Variants in EPM2A observed in about 807,000 individuals in gnomAD.
EPM2A encodes the protein EPM2A glucan phosphatase, laforin.
In EPM2A, 21 loss-of-function variants were observed where a neutral mutation model predicts 26.5. The ratio of observed to expected loss-of-function variants is 0.79; its 90% CI spans 0.56 to 1.14. The LOEUF is 1.14. Among genes scored for constraint, EPM2A ranks in the 50% most tolerant of loss-of-function variants. The pLI, the probability that EPM2A is intolerant of heterozygous loss-of-function variation, is 0.00. For synonymous variants in EPM2A, 217 were observed against 177.6 expected (o/e 1.22, Z -1.76); for missense variants, 458 against 440.8 (o/e 1.04, Z -0.35).
At chr6:145,705,689 T>C (rs1782183842) in intron 1 of EPM2A, 2 of 405,788 alleles carry the variant, frequency 4.9e-6, no homozygotes, top group Non-Finnish European at 9.9e-6. Context: ...CTATTTGAAA[T>C]AGCAACAATT....
At chr6:145,453,394 T>A (rs765809481) in intron 4 of EPM2A, among the ~76,000 whole-genome samples, 1 of 152,178 alleles carries the variant, frequency 6.6e-6, no homozygotes. Flanking sequence ...ATTAAATTTT[T>A]AAAAAATTCT....
At chr6:145,474,454 T>C (rs1192684142) in intron 4 of EPM2A, among the ~76,000 whole-genome samples, 5 of 151,908 alleles carry the variant, frequency 3.3e-5, no homozygotes, top group Admixed American at 6.6e-5. Context: ...AGAGAGAGAC[T>C]CCATCTCAAA....
chr6:145,622,941 G>A (rs934778029), downstream of EPM2A, among the ~76,000 whole-genome samples: 2 of 152,198 alleles, frequency 1.3e-5, no homozygotes, highest in Non-Finnish European at 2.9e-5. Context: ...ATCTTTACTT[G>A]CCTCAGAATA....
At chr6:145,490,553 G>T (rs1582795094) in intron 4 of EPM2A, 1 of 707,444 alleles carries the variant, frequency 1.4e-6, no homozygotes, top group East Asian at 3.0e-5. Context: ...CCAGTTCTTT[G>T]CTTCTTAGTG....
At chr6:145,458,875 T>C (rs7757254) in intron 4 of EPM2A, among the ~76,000 whole-genome samples, 27,624 of 151,808 alleles carry the variant, frequency 0.18, 6,570 homozygotes, top group African/African-American at 0.55. Context: ...TATACATTTT[T>C]TTGGAGAGAA....
intron 4 of EPM2A, among the ~76,000 whole-genome samples, chr6:145,433,351 A>G (rs1778946111): frequency 6.6e-6 from 1 of 152,170 alleles, no homozygotes; most frequent in Non-Finnish European, 1.5e-5. Flanking sequence ...GTCTATTTAT[A>G]TATAATGTAA....
chr6:145,672,108 A>G lies in EPM2A; in HGVS notation c.476+14014T>C, dbSNP rs761220123. ...CTGTAGCCTGAATATAAAAATGCAC[A>G]TTGATTTTTAAAATCTCATTCTAGC... is the stretch of plus-strand genomic sequence containing the variant. On this transcript the variant is annotated intron_variant, in intron 2 of 3. Transcript: ENST00000367519. Among the ~76,000 whole-genome samples the G allele has an allele frequency of 1.2e-4, 18 of 152,222 alleles. 1 individual carries two copies. Among genetic ancestry groups the G allele is most frequent in the Admixed American group, 9.8e-4 (15 of 15,284 alleles).
rs1775849817 is a variant in EPM2A at position 145,626,908 on chromosome 6, T to C, written c.*508A>G. On this transcript the variant is annotated 3_prime_UTR_variant, in exon 4 of 4. Coordinates refer to ENST00000367519, the MANE Select transcript of EPM2A (RefSeq NM_005670.4). ...GATAAAAAACAAGTCCTGAAAGCCATCACTTTTTGACCATAGTGAGCTCTT... is the reference window on the plus strand; with the variant it reads ...GATAAAAAACAAGTCCTGAAAGCCACCACTTTTTGACCATAGTGAGCTCTT... 3.0e-6 allele frequency: 3 copies of C among 997,914 alleles called. No homozygotes were observed. The highest frequency in any genetic ancestry group is 3.5e-5 in the African/African-American group (2 of 57,432). 61.8% of individuals were successfully genotyped at this position (997,914 alleles called of 1,614,324 possible). A position where few individuals can be genotyped will look rare whatever the true frequency, so the allele number is the denominator to read the frequency against.
At chr6:145,465,453 G>A in intron 4 of EPM2A, among the ~76,000 whole-genome samples, 1 of 151,972 alleles carries the variant, frequency 6.6e-6, no homozygotes, top group South Asian at 2.1e-4. Flanking sequence ...ATTGTCTGAA[G>A]CCTTCTTCTC....
chr6:145,627,309 C>T lies in EPM2A; in HGVS notation c.*107G>A. On this transcript the variant is annotated 3_prime_UTR_variant, in exon 4 of 4. Coordinates refer to ENST00000367519, the MANE Select transcript of EPM2A (RefSeq NM_005670.4). Reference sequence around the variant, plus strand: ...TGAAAGTGGTTGGCTTGGGGGAGGTCACACAGTCCTTTCAGTTCAGGTAGA... The same window carrying T: ...TGAAAGTGGTTGGCTTGGGGGAGGTTACACAGTCCTTTCAGTTCAGGTAGA... The T allele has an allele frequency of 6.3e-7, 1 of 1,593,902 alleles. No homozygotes were observed.
chr6:145,510,115 A>G (rs549205092), intron 2 of EPM2A, among the ~76,000 whole-genome samples: 28 of 152,022 alleles, frequency 1.8e-4, no homozygotes, highest in Non-Finnish European at 3.4e-4. Flanking sequence ...AAAAAAAAAG[A>G]CTTAACGCAG....
At chr6:145,657,089 CTTT>C (rs5880652) in intron 2 of EPM2A, among the ~76,000 whole-genome samples, 12 of 121,806 alleles carry the variant, frequency 9.9e-5, no homozygotes, top group Non-Finnish European at 1.4e-4. Context: ...GTCATTTTTC[CTTT>C]TTTTTTTTTT....
In EPM2A at chr6:145,625,799, T is replaced by C; in HGVS notation, c.*1617A>G. 1 of 1,516,370 alleles carries C rather than the reference T, an allele frequency of 6.6e-7. No homozygotes were observed. The highest frequency in any genetic ancestry group is 9.0e-7 in the Non-Finnish European group (1 of 1,106,310). The allele number at this position is 1,516,370 out of a possible 1,614,324, so 93.9% of individuals were successfully genotyped here. A position where few individuals can be genotyped will look rare whatever the true frequency, so the allele number is the denominator to read the frequency against. ...CCCGTCCTCTGAGCTCCACTGAAAC[T>C]TACCTTGTATCCTTCTTGTCCCCCA... On this transcript the variant is annotated 3_prime_UTR_variant, in exon 4 of 4. Transcript: ENST00000367519.
At chr6:145,523,117 G>A (rs1424448871) in intron 2 of EPM2A, among the ~76,000 whole-genome samples, 1 of 152,176 alleles carries the variant, frequency 6.6e-6, no homozygotes, top group Non-Finnish European at 1.5e-5. Flanking sequence ...TCTCTGGACT[G>A]TGAGTTCTTG....
intron 2 of EPM2A, among the ~76,000 whole-genome samples, chr6:145,660,638 C>A (rs541102308): frequency 4.1e-4 from 63 of 152,114 alleles, no homozygotes; most frequent in African/African-American, 1.5e-3. Context: ...CCTGTTTCCA[C>A]TAAAAATATA....
chr6:145,546,441 A>C (rs565811929), intron 2 of EPM2A, among the ~76,000 whole-genome samples: 1 of 152,250 alleles, frequency 6.6e-6, no homozygotes, highest in East Asian at 1.9e-4. Context: ...TTCCTTACTC[A>C]ATCCACTGAT....
At chr6:145,684,561 T>C (rs1228964252) in intron 2 of EPM2A, among the ~76,000 whole-genome samples, 1 of 152,208 alleles carries the variant, frequency 6.6e-6, no homozygotes, top group Non-Finnish European at 1.5e-5. Flanking sequence ...GTCTCTTCTA[T>C]ACTTCACTCA....
At chr6:145,502,254 T>A (rs1220473530) in intron 3 of EPM2A, among the ~76,000 whole-genome samples, 1 of 152,278 alleles carries the variant, frequency 6.6e-6, no homozygotes, top group African/African-American at 2.4e-5. Flanking sequence ...CTTCTTGCTG[T>A]CTTGTCCTGG....
intron 2 of EPM2A, among the ~76,000 whole-genome samples, chr6:145,675,326 A>G (rs1178178825): frequency 6.6e-6 from 1 of 152,216 alleles, no homozygotes; most frequent in Non-Finnish European, 1.5e-5. Flanking sequence ...ACCCACTGCA[A>G]AAACATGCCA....
Sources: gnomAD v4.1 joint callset for allele counts (sites outside exome capture counted in the v4.1 genomes callset) on GRCh38, gnomAD v4.1.1 for gene constraint, MANE v1.5 for transcripts, NCBI Gene and HGNC (gene_info 2026-07-23, HGNC 2026-07-21) for gene names.